The following NKAPD1 variants were observed in gnomAD, a reference collection of about 807,000 sequenced individuals.
NKAPD1 encodes the protein uncharacterized protein NKAPD1.
Under a neutral mutation model 30.9 loss-of-function variants are expected in NKAPD1, and 12 were observed. That is an observed-to-expected ratio of 0.39 (90% confidence interval 0.25 to 0.63). The LOEUF is 0.63. Among genes scored for constraint, NKAPD1 ranks in the 20% least tolerant of loss-of-function variants. The pLI is 0.51. For missense variants in NKAPD1, 311 were observed against 344.5 expected, an observed-to-expected ratio of 0.90 and a Z score of 0.77; for synonymous variants, 91 against 113.6, an observed-to-expected ratio of 0.80 and a Z score of 1.26.
Position 112,081,822 on chromosome 11 carries a change from T to C in NKAPD1, c.321-160T>C, listed in dbSNP as rs1012574281. Reference sequence around the variant, plus strand: ...AAGTGATAGTGTACAGTACAGGAAATGTAGCTGTTACTGAGCTATAATGGG... The same window carrying C: ...AAGTGATAGTGTACAGTACAGGAAACGTAGCTGTTACTGAGCTATAATGGG... On this transcript the variant is annotated intron_variant, in intron 4 of 5. Transcript: ENST00000393047. 6 of 634,688 alleles carry C rather than the reference T, an allele frequency of 9.5e-6. No homozygotes were observed. The African/African-American group carries it at 1.1e-4, about 12-fold the overall frequency. 39.3% of individuals were successfully genotyped at this position (634,688 alleles called of 1,614,324 possible). A position where few individuals can be genotyped will look rare whatever the true frequency, so the allele number is the denominator to read the frequency against.
intron 2 of NKAPD1, 32 bp downstream of exon 2, chr11:112,075,675 C>A (rs769920241): frequency 6.3e-7 from 1 of 1,598,404 alleles, no homozygotes; most frequent in South Asian, 1.1e-5. Context: ...CTCCTCAACG[C>A]TTACTGAAGG....
chr11:112,078,870 C>T (rs1592765295), intron 3 of NKAPD1, among the ~76,000 whole-genome samples: 1 of 152,136 alleles, frequency 6.6e-6, no homozygotes, highest in East Asian at 1.9e-4. Context: ...TTCACCCTGT[C>T]TATTCACCCT....
At position 112,085,144 on chromosome 11, in the gene NKAPD1, CTT is replaced by C. The variant is rs1001883229; in HGVS notation, c.*2174_*2175del. The C allele has an allele frequency of 1.0e-4, 55 of 532,854 alleles. No individual in the cohort carries two copies. The Middle Eastern group carries it at 3.6e-3, about 34-fold the overall frequency. 33.0% of individuals were successfully genotyped at this position (532,854 alleles called of 1,614,324 possible). A position where few individuals can be genotyped will look rare whatever the true frequency, so the allele number is the denominator to read the frequency against. On this transcript the variant is annotated 3_prime_UTR_variant, in exon 6 of 6. Coordinates refer to ENST00000393047, the MANE Select transcript of NKAPD1 (RefSeq NM_018195.4). ...GAATTCCAAATAAATAAATTTCACT[CTT>C]TGAACATTTCATCTTTTACTTTTTA...
At chr11:112,076,866 G>A (rs1471729536) in intron 2 of NKAPD1, among the ~76,000 whole-genome samples, 1 of 152,154 alleles carries the variant, frequency 6.6e-6, no homozygotes, top group Non-Finnish European at 1.5e-5. Flanking sequence ...ACAAAAAATG[G>A]GACAATTATG....
In NKAPD1 at chr11:112,080,554, G is replaced by A. The variant is rs758533601; in HGVS notation, c.316G>A (p.Asp106Asn). The change falls in exon 4 of 6, where the codon GAC becomes AAC. Residue 106 changes from aspartate (D) to asparagine (N), a missense_variant. Coordinates refer to ENST00000393047, the MANE Select transcript of NKAPD1 (RefSeq NM_018195.4). ...KFYDYEANMP[D>N]RWGHSGYKEL... Reference sequence around the variant, plus strand: ...CTATGATTATGAAGCAAACATGCCAGACAGGTTTGTGATTAATTCCTGTGA... The same window carrying A: ...CTATGATTATGAAGCAAACATGCCAAACAGGTTTGTGATTAATTCCTGTGA... The A allele has an allele frequency of 8.1e-6, 13 of 1,613,158 alleles. No homozygotes were observed. Among genetic ancestry groups the A allele is most frequent in the Middle Eastern group, 1.6e-4 (1 of 6,076 alleles).
intron 1 of NKAPD1, among the ~76,000 whole-genome samples, chr11:112,075,192 C>A (rs938458689): frequency 6.6e-6 from 1 of 152,174 alleles, no homozygotes; most frequent in African/African-American, 2.4e-5. Flanking sequence ...TGACATACAT[C>A]ATTTGCCTGG....
Position 112,078,198 on chromosome 11 carries a change from C to A in NKAPD1, c.70-17C>A, listed in dbSNP as rs1040462941. 6.4e-6 allele frequency: 10 copies of A among 1,551,768 alleles called. No individual in the cohort carries two copies. In the Admixed American group the frequency reaches 1.1e-4, roughly 18 times the overall value. On this transcript the variant is annotated splice_polypyrimidine_tract_variant and intron_variant, in intron 2 of 5. Transcript: ENST00000393047. ...ATTTTTAGTAACTTATTTTTATTTCCTTTTTAAAAATTCTAGATTCAGGAG... is the reference window on the plus strand; with the variant it reads ...ATTTTTAGTAACTTATTTTTATTTCATTTTTAAAAATTCTAGATTCAGGAG...
intron 2 of NKAPD1, 58 bp downstream of exon 2, chr11:112,075,701 G>C: frequency 6.4e-7 from 1 of 1,557,112 alleles, no homozygotes; most frequent in South Asian, 1.2e-5. Context: ...AGTGTGCCAA[G>C]CATTATTTTG....
chr11:112,084,014 T>C lies in NKAPD1; in HGVS notation c.*1042T>C, dbSNP rs1423400825. 1 of 152,624 alleles carries C rather than the reference T, an allele frequency of 6.6e-6. No individual in the cohort carries two copies. Among genetic ancestry groups the C allele is most frequent in the African/African-American group, 2.4e-5 (1 of 41,448 alleles). The allele number at this position is 152,624 out of a possible 1,614,324, so 9.5% of individuals were successfully genotyped here. A position where few individuals can be genotyped will look rare whatever the true frequency, so the allele number is the denominator to read the frequency against. ...TGTTAATTCTTAAGAAACCAACATA[T>C]CACTGAAAGAAGGCTGGCAGAACGC... On this transcript the variant is annotated 3_prime_UTR_variant, in exon 6 of 6. Transcript: ENST00000393047.
intron 3 of NKAPD1, among the ~76,000 whole-genome samples, chr11:112,080,084 G>A (rs1477259500): frequency 6.6e-6 from 1 of 152,030 alleles, no homozygotes; most frequent in African/African-American, 2.4e-5. Context: ...CAAAGTGCTG[G>A]GATTACAGGC....
chr11:112,080,291 C>G (rs913649205), intron 3 of NKAPD1, 118 bp from the exon 4 acceptor site: 24 of 464,570 alleles, frequency 5.2e-5, no homozygotes, highest in South Asian at 6.0e-5. Context: ...TTTTTTTAAA[C>G]AGTATCATGT....
At position 112,074,334 on chromosome 11, in the gene NKAPD1, C is replaced by G. The variant is rs553802591; in HGVS notation, c.-591C>G. ...CAAACCACTTCTTCCCCCCTACCCC[C>G]CGCCACGCGAGGCTGCGGCGCACGG... On this transcript the variant is annotated 5_prime_UTR_variant, in exon 1 of 6. Transcript: ENST00000393047. The G allele has an allele frequency of 4.8e-4, 192 of 399,308 alleles. 4 individuals carry two copies. In the East Asian group the frequency reaches 6.8e-3, roughly 14 times the overall value. 24.7% of individuals were successfully genotyped at this position (399,308 alleles called of 1,614,324 possible).
rs778783041 is a variant in NKAPD1 at position 112,082,871 on chromosome 11, A to T, written c.781A>T (p.Thr261Ser). 4 of 1,613,504 alleles carry T rather than the reference A, an allele frequency of 2.5e-6. No homozygotes were observed. The highest frequency in any genetic ancestry group is 3.4e-6 in the Non-Finnish European group (4 of 1,179,928). Residue 261 changes from threonine to serine, a missense_variant, in exon 6 of 6, where the codon ACC becomes TCC. Transcript: ENST00000393047. ...GAAAAAGAGAGAGAAAAAAGCCCAT[A>T]CCTCTGTAGCCAACAATGAAATACA... ...KRKKREKKAH[T>S]SVANNEIQER...
chr11:112,080,383 A>G (rs1189383961), intron 3 of NKAPD1, 26 bp from the exon 4 acceptor site: 4 of 1,610,656 alleles, frequency 2.5e-6, no homozygotes, highest in African/African-American at 2.7e-5. Flanking sequence ...TTTTACATCT[A>G]AAAGTTCTTC....
At chr11:112,082,312 C>A in intron 5 of NKAPD1, 153 bp from the exon 6 acceptor site, 1 of 763,326 alleles carries the variant, frequency 1.3e-6, no homozygotes. Flanking sequence ...GAAACAAAAA[C>A]TCAATGAGAA....
At chr11:112,075,666 T>C in intron 2 of NKAPD1, 23 bp downstream of exon 2, 3 of 1,602,472 alleles carry the variant, frequency 1.9e-6, no homozygotes, top group Non-Finnish European at 1.7e-6. Context: ...ACCTAGTTAC[T>C]CCTCAACGCT....
At position 112,082,491 on chromosome 11, in the gene NKAPD1, G is replaced by A. The variant is rs981629227; in HGVS notation, c.401G>A (p.Gly134Glu). 1.9e-6 allele frequency: 3 copies of A among 1,584,948 alleles called. No homozygotes were observed. The highest frequency in any genetic ancestry group is 1.4e-5 in the African/African-American group (1 of 72,356). ...DSSDQQDITN[G>E]KKTSPQVKSS... Reference sequence around the variant, plus strand: ...AGTGATCAGCAAGATATTACCAACGGGAAGAAAACATCTCCCCAGGTAAAG... The same window carrying A: ...AGTGATCAGCAAGATATTACCAACGAGAAGAAAACATCTCCCCAGGTAAAG... Residue 134 changes from glycine (G) to glutamate (E), a missense_variant, in exon 6 of 6, where the codon GGG (glycine) becomes GAG (glutamate). Gly to Glu is a moderately conservative substitution (Grantham distance 98). Coordinates refer to ENST00000393047, the MANE Select transcript of NKAPD1 (RefSeq NM_018195.4).
At chr11:112,082,283 C>A (rs1319802440) in intron 5 of NKAPD1, 182 bp from the exon 6 acceptor site, 1 of 702,306 alleles carries the variant, frequency 1.4e-6, no homozygotes, top group Non-Finnish European at 2.2e-6. Flanking sequence ...AGAATTTTTA[C>A]CTTCATTTTA....
chr11:112,078,234 T>G lies in NKAPD1; in HGVS notation c.89T>G (p.Met30Arg), dbSNP rs1421251445. 5 of 1,611,038 alleles carry G rather than the reference T, an allele frequency of 3.1e-6. No homozygotes were observed. Among genetic ancestry groups the G allele is most frequent in the Non-Finnish European group, 4.2e-6 (5 of 1,178,360 alleles). ...AHNKIQEESDMWKIRELEKQM... is the reference protein window; with the variant it reads ...AHNKIQEESDRWKIRELEKQM... ...TTCTAGATTCAGGAGGAATCAGATATGTGGAAAATAAGAGAACTGGAAAAA... is the reference window on the plus strand; with the variant it reads ...TTCTAGATTCAGGAGGAATCAGATAGGTGGAAAATAAGAGAACTGGAAAAA... Residue 30 changes from methionine (M) to arginine (R), a missense_variant, in exon 3 of 6, where the codon ATG becomes AGG. By Grantham distance (91) the Met-to-Arg change is moderately conservative. Coordinates refer to ENST00000393047, the MANE Select transcript of NKAPD1 (RefSeq NM_018195.4).
Sources: gnomAD v4.1 joint callset for allele counts (sites outside exome capture counted in the v4.1 genomes callset) on GRCh38, gnomAD v4.1.1 for gene constraint, MANE v1.5 for transcripts, NCBI Gene and HGNC (gene_info 2026-07-23, HGNC 2026-07-21) for gene names.